Variants in MACROD2 observed in about 807,000 individuals in gnomAD.
The protein encoded by MACROD2 is mono-ADP ribosylhydrolase 2, also known as ADP-ribose glycohydrolase MACROD2.
Under a neutral mutation model 70.4 loss-of-function variants are expected in MACROD2, and 36 were observed. The observed-to-expected ratio is 0.51, with a 90% confidence interval of 0.39 to 0.68. MACROD2 has a LOEUF of 0.68. Among genes scored for constraint, MACROD2 ranks in the 30% least tolerant of loss-of-function variants. The pLI, the probability that MACROD2 is intolerant of heterozygous loss-of-function variation, is 0.00. For missense variants in MACROD2, 496 were observed against 538.4 expected (o/e 0.92, Z 0.78); for synonymous variants, 172 against 178.8 (o/e 0.96, Z 0.30).
At chr20:15,443,863 T>C (rs2046527674) in intron 7 of MACROD2, among the ~76,000 whole-genome samples, 4 of 152,206 alleles carry the variant, frequency 2.6e-5, no homozygotes, top group Admixed American at 2.6e-4. Context: ...ACACCCTGGT[T>C]TCTATTTTTT....
chr20:16,009,454 C>T (rs775113), intron 15 of MACROD2, among the ~76,000 whole-genome samples: 141,183 of 152,218 alleles, frequency 0.93, 66,225 homozygotes, highest in Non-Finnish European at 1. Context: ...GTTGTTTCTG[C>T]TGAGATCAAA....
intron 5 of MACROD2, among the ~76,000 whole-genome samples, chr20:15,001,299 G>T (rs571796923): frequency 1.3e-5 from 2 of 152,090 alleles, no homozygotes; most frequent in African/African-American, 2.4e-5. Context: ...ACTCAATTAC[G>T]CAGGGACTGA....
intron 5 of MACROD2, among the ~76,000 whole-genome samples, chr20:15,086,226 G>A (rs542049436): frequency 6.6e-6 from 1 of 152,204 alleles, no homozygotes; most frequent in East Asian, 1.9e-4. Flanking sequence ...GCCTAAAATA[G>A]GTACAAAGTA....
Position 14,863,772 on chromosome 20 carries a change from C to T in MACROD2, c.418+178813C>T, listed in dbSNP as rs192842346. ...AAGAGGAACTATTATTATCTTCATA[C>T]GATAGATGAAAAAACAAAGGCTGTA... On this transcript the variant is annotated intron_variant, in intron 5 of 17. Transcript: ENST00000684519. Among the ~76,000 whole-genome samples, 53 of 152,118 alleles carry T rather than the reference C, an allele frequency of 3.5e-4. No homozygotes were observed. The South Asian group carries it at 8.3e-3, about 24-fold the overall frequency.
chr20:15,466,870 T>C (rs2046898194), intron 7 of MACROD2, among the ~76,000 whole-genome samples: 1 of 152,162 alleles, frequency 6.6e-6, no homozygotes, highest in Non-Finnish European at 1.5e-5. Context: ...CCTATAAAAA[T>C]TGAAATTTTT....
intron 3 of MACROD2, among the ~76,000 whole-genome samples, chr20:14,410,953 A>G (rs2083743015): frequency 6.6e-6 from 1 of 152,070 alleles, no homozygotes; most frequent in South Asian, 2.1e-4. Context: ...CCCTACCCAG[A>G]CAGTGGGACT....
chr20:15,021,504 A>G (rs962467853), intron 5 of MACROD2: 1 of 150,920 alleles, frequency 6.6e-6, no homozygotes, highest in African/African-American at 2.4e-5. Context: ...ATGTATACAT[A>G]TATGCCTATA....
rs763843238 is a variant in MACROD2 at position 14,183,322 on chromosome 20, C to T, written c.271+97594C>T. ...TGTGTTAGTTTGCTAAGGATAATGG[C>T]CTTTAGCTCCATCTATGTCCTTGTA... is the stretch of plus-strand genomic sequence containing the variant. On this transcript the variant is annotated intron_variant, in intron 3 of 17. Transcript: ENST00000684519. 4.5e-4 allele frequency among the ~76,000 whole-genome samples: 69 copies of T among 151,740 alleles called. 1 individual carries two copies. In the Middle Eastern group the frequency reaches 0.037, roughly 82 times the overall value.
At chr20:15,671,015 A>G (rs2049972870) in intron 8 of MACROD2, among the ~76,000 whole-genome samples, 1 of 152,208 alleles carries the variant, frequency 6.6e-6, no homozygotes, top group South Asian at 2.1e-4. Flanking sequence ...ATCACTTAAA[A>G]CAGTAACAAT....
chr20:14,255,845 T>A (rs1455771077), intron 3 of MACROD2, among the ~76,000 whole-genome samples: 5 of 152,000 alleles, frequency 3.3e-5, no homozygotes, highest in African/African-American at 1.2e-4. Flanking sequence ...TCTTTTCACC[T>A]CTTTAAAACA....
At chr20:14,205,606 A>AT (rs1277186284) in intron 3 of MACROD2, among the ~76,000 whole-genome samples, 2 of 152,108 alleles carry the variant, frequency 1.3e-5, no homozygotes, top group Admixed American at 6.5e-5. Flanking sequence ...AAGGGACAGA[A>AT]TTTTTTACTG....
intron 2 of MACROD2, among the ~76,000 whole-genome samples, chr20:14,083,036 A>T (rs1012314476): frequency 2.0e-5 from 3 of 151,800 alleles, no homozygotes; most frequent in South Asian, 2.1e-4. Flanking sequence ...TATTTTATTT[A>T]AAATAAAATA....
intron 5 of MACROD2, among the ~76,000 whole-genome samples, chr20:15,181,024 T>C (rs6043125): frequency 0.14 from 21,775 of 152,148 alleles, 1,662 homozygotes; most frequent in African/African-American, 0.2. Context: ...TTATTGTGCA[T>C]TTGGGCTGTT....
At chr20:14,864,769 G>T (rs914788599) in intron 5 of MACROD2, among the ~76,000 whole-genome samples, 4 of 151,946 alleles carry the variant, frequency 2.6e-5, no homozygotes, top group African/African-American at 9.7e-5. Flanking sequence ...TGGATGTTTA[G>T]ATCTAAAATC....
intron 6 of MACROD2, among the ~76,000 whole-genome samples, chr20:15,263,981 G>A (rs1332109491): frequency 6.6e-6 from 1 of 151,992 alleles, no homozygotes; most frequent in African/African-American, 2.4e-5. Context: ...CCTGCAAACA[G>A]GATAATTTGA....
chr20:14,640,453 C>T (rs1473013644), intron 4 of MACROD2, among the ~76,000 whole-genome samples: 2 of 152,072 alleles, frequency 1.3e-5, no homozygotes, highest in African/African-American at 4.8e-5. Flanking sequence ...CCTGAGGATG[C>T]AGACATATAT....
chr20:16,000,462 C>T (rs1191270258), intron 15 of MACROD2, among the ~76,000 whole-genome samples: 1 of 152,176 alleles, frequency 6.6e-6, no homozygotes, highest in Non-Finnish European at 1.5e-5. Flanking sequence ...TCAAGTATTT[C>T]AGGCCATAAG....
At chr20:15,043,158 C>T (rs2123031984) in intron 5 of MACROD2, among the ~76,000 whole-genome samples, 1 of 152,310 alleles carries the variant, frequency 6.6e-6, no homozygotes, top group South Asian at 2.1e-4. Flanking sequence ...CACTAGGACT[C>T]CATGTTTCTA....
At chr20:15,034,013 G>A (rs543649281) in intron 5 of MACROD2, among the ~76,000 whole-genome samples, 13 of 152,170 alleles carry the variant, frequency 8.5e-5, no homozygotes, top group Non-Finnish European at 1.2e-4. Context: ...TGTTTCCCCC[G>A]TTTGGAGGTT....
Sources: allele counts gnomAD v4.1 joint callset (sites outside exome capture counted in the v4.1 genomes callset), GRCh38; gene constraint gnomAD v4.1.1; transcripts MANE v1.5; gene names NCBI Gene and HGNC (gene_info 2026-07-23, HGNC 2026-07-21).